The following TRPM6 variants were observed in gnomAD, a reference collection of about 807,000 sequenced individuals.
TRPM6 encodes the protein channel kinase 2.
In TRPM6, 111 loss-of-function variants were observed where a neutral mutation model predicts 247.6. The observed-to-expected ratio is 0.45, with a 90% confidence interval of 0.38 to 0.52. The LOEUF is 0.52. Among genes scored for constraint, TRPM6 ranks in the 20% least tolerant of loss-of-function variants. The probability of loss-of-function intolerance (pLI) is 0.00; values close to 1 mark genes in which losing one functional copy is unlikely to be tolerated. For missense variants in TRPM6, 2,126 were observed against 2,421.5 expected (o/e 0.88, Z 2.56); for synonymous variants, 892 against 853.8 (o/e 1.04, Z -0.78).
At chr9:74,797,931 T>A (rs1174162230) in intron 17 of TRPM6, among the ~76,000 whole-genome samples, 1 of 152,170 alleles carries the variant, frequency 6.6e-6, no homozygotes, top group Non-Finnish European at 1.5e-5. Context: ...TAGATCCATC[T>A]CCCATCCCAC....
chr9:74,742,456 A>C, intron 33 of TRPM6, 105 bp downstream of exon 33: 1 of 1,161,990 alleles, frequency 8.6e-7, no homozygotes, highest in Non-Finnish European at 1.3e-6. Context: ...ACTATCAACA[A>C]AACAAAATTT....
At chr9:74,808,724 C>T (rs1418289330) in intron 13 of TRPM6, among the ~76,000 whole-genome samples, 1 of 152,188 alleles carries the variant, frequency 6.6e-6, no homozygotes, top group Non-Finnish European at 1.5e-5. Context: ...ACACTTTGCA[C>T]TGCGTTGACT....
intron 1 of TRPM6, among the ~76,000 whole-genome samples, chr9:74,859,278 G>C (rs1830623366): frequency 6.6e-6 from 1 of 152,114 alleles, no homozygotes; most frequent in African/African-American, 2.4e-5. Flanking sequence ...GCCTAGAACT[G>C]TCCCTAAATC....
chr9:74,738,347 G>T, intron 36 of TRPM6, 60 bp downstream of exon 36: 1 of 1,582,514 alleles, frequency 6.3e-7, no homozygotes, highest in Non-Finnish European at 8.7e-7. Context: ...CCTGGTTCTT[G>T]CAAGATCTCT....
intron 17 of TRPM6, among the ~76,000 whole-genome samples, chr9:74,799,366 GC>G (rs1828220072): frequency 6.6e-6 from 1 of 151,892 alleles, no homozygotes; most frequent in Admixed American, 6.6e-5. Flanking sequence ...ATAACCTAAA[GC>G]CTTTAGACTT....
At position 74,839,363 on chromosome 9, in the gene TRPM6, G is replaced by A. The variant is rs141651338; in HGVS notation, c.544+661C>T. 4.8e-3 allele frequency among the ~76,000 whole-genome samples: 727 copies of A among 152,204 alleles called. 2 individuals carry two copies. Among genetic ancestry groups the A allele is most frequent in the Non-Finnish European group, 7.6e-3 (519 of 68,028 alleles). On this transcript the variant is annotated intron_variant, in intron 5 of 38. Coordinates refer to ENST00000360774, the MANE Select transcript of TRPM6 (RefSeq NM_017662.5). ...TCAGAGCCCCCCATATACAATTCTG[G>A]AATTTCAGATTTTAAGAAGTGTAGA...
chr9:74,870,363 AAGGG>A (rs1830981975), intron 1 of TRPM6, among the ~76,000 whole-genome samples: 1 of 152,170 alleles, frequency 6.6e-6, no homozygotes, highest in Admixed American at 6.6e-5. Flanking sequence ...CATCTACACT[AAGGG>A]AATAGGAGTT....
rs946269078 is a variant in TRPM6, at chr9:74,859,773, C to CA, written c.34-1026dup. 3.0e-3 allele frequency among the ~76,000 whole-genome samples: 224 copies of CA among 75,870 alleles called. 1 individual carries two copies. The highest frequency in any genetic ancestry group is 4.2e-3 in the East Asian group (11 of 2,636). The allele number at this position is 75,870 out of a possible 152,430, so 49.8% of individuals were successfully genotyped here. A position where few individuals can be genotyped will look rare whatever the true frequency, so the allele number is the denominator to read the frequency against. ...TGGGTGGCAGAGCGAGACTCTGTCT[C>CA]AAAAAAAAAAAAAAAAGAATATGTG... On this transcript the variant is annotated intron_variant, in intron 1 of 38. Transcript: ENST00000360774.
chr9:74,872,226 T>A lies in TRPM6; in HGVS notation c.34-13478A>T, dbSNP rs1183874154. On this transcript the variant is annotated intron_variant, in intron 1 of 38. Coordinates refer to ENST00000360774, the MANE Select transcript of TRPM6 (RefSeq NM_017662.5). ...GCCTTGAACTCCTGGCCTCAAGCAA[T>A]CATCCTGCCTTGTCCTCCCAAAGTG... 3.9e-5 allele frequency among the ~76,000 whole-genome samples: 6 copies of A among 152,180 alleles called. No homozygotes were observed. The East Asian group carries it at 9.6e-4, about 24-fold the overall frequency.
chr9:74,820,294 T>C lies in TRPM6; in HGVS notation c.1134+10A>G, dbSNP rs370068427. On this transcript the variant is annotated intron_variant, in intron 9 of 38. Transcript: ENST00000360774. Reference sequence around the variant, plus strand: ...TTAAGTCAGTTGAATCATCAACTCGTCATACTCACACAATCCCTGTGAACC... The same window carrying C: ...TTAAGTCAGTTGAATCATCAACTCGCCATACTCACACAATCCCTGTGAACC... 18 of 1,613,824 alleles carry C rather than the reference T, an allele frequency of 1.1e-5. No homozygotes were observed. In the African/African-American group the frequency reaches 1.5e-4, roughly 13 times the overall value.
chr9:74,844,535 T>C (rs933817480), intron 3 of TRPM6, among the ~76,000 whole-genome samples: 3 of 152,358 alleles, frequency 2.0e-5, no homozygotes, highest in Non-Finnish European at 2.9e-5. Flanking sequence ...AACTTTTCTT[T>C]TGAAGCTTTC....
chr9:74,836,274 A>G (rs371030164), intron 5 of TRPM6, among the ~76,000 whole-genome samples: 15 of 152,310 alleles, frequency 9.8e-5, no homozygotes, highest in South Asian at 6.2e-4. Context: ...ACAATACTGC[A>G]TTGTAAGACT....
intron 1 of TRPM6, among the ~76,000 whole-genome samples, chr9:74,860,985 T>C (rs1410945273): frequency 6.6e-6 from 1 of 152,002 alleles, no homozygotes; most frequent in Non-Finnish European, 1.5e-5. Flanking sequence ...ATTGTGCCAC[T>C]GCACTCTAGC....
intron 6 of TRPM6, among the ~76,000 whole-genome samples, chr9:74,828,731 C>T (rs971099052): frequency 4.6e-5 from 7 of 151,056 alleles, no homozygotes; most frequent in African/African-American, 1.7e-4. Context: ...CAAGTTCAAG[C>T]GATTCTCCTG....
intron 36 of TRPM6, among the ~76,000 whole-genome samples, chr9:74,734,624 C>G (rs890784350): frequency 1.3e-5 from 2 of 152,168 alleles, no homozygotes; most frequent in Non-Finnish European, 2.9e-5. Flanking sequence ...AGCAAAGTGT[C>G]TGCCCCCTAG....
At chr9:74,862,493 T>A (rs927756138) in intron 1 of TRPM6, among the ~76,000 whole-genome samples, 1 of 152,206 alleles carries the variant, frequency 6.6e-6, no homozygotes, top group African/African-American at 2.4e-5. Flanking sequence ...TGTGTCATCC[T>A]AAAACATAAT....
At chr9:74,789,866 C>T (rs889424222) in intron 19 of TRPM6, among the ~76,000 whole-genome samples, 15 of 142,474 alleles carry the variant, frequency 1.1e-4, no homozygotes, top group African/African-American at 3.9e-4. Context: ...GAGACTGAGG[C>T]AAGAGCATCT....
In TRPM6 at chr9:74,728,091, G is replaced by A. The variant is rs892283363; in HGVS notation, c.5935+148C>T. The A allele has an allele frequency of 2.2e-5, 16 of 735,150 alleles. No individual in the cohort carries two copies. The Middle Eastern group carries it at 8.2e-4, about 38-fold the overall frequency. 45.5% of individuals were successfully genotyped at this position (735,150 alleles called of 1,614,324 possible). ...GTCCTTTTAATCCCTTTAGAGACTT[G>A]AAAATTTTGCAGTCAGAGAGTCAGG... On this transcript the variant is annotated intron_variant, in intron 38 of 38. Transcript: ENST00000360774.
chr9:74,723,815 TA>T lies in TRPM6; in HGVS notation c.*797del, dbSNP rs1249541217. ...TCCATCTCAAAAATAAAAATATATATATATATATATAAAATATATATATTCC... is the reference window on the plus strand; with the variant it reads ...TCCATCTCAAAAATAAAAATATATATTATATATATAAAATATATATATTCC... On this transcript the variant is annotated 3_prime_UTR_variant, in exon 39 of 39. Coordinates refer to ENST00000360774, the MANE Select transcript of TRPM6 (RefSeq NM_017662.5). 7.0e-6 allele frequency: 1 copy of T among 143,654 alleles called. No individual in the cohort carries two copies. Among genetic ancestry groups the T allele is most frequent in the East Asian group, 2.0e-4 (1 of 5,048 alleles). 8.9% of individuals were successfully genotyped at this position (143,654 alleles called of 1,614,324 possible).
Sources: gnomAD v4.1 joint callset for allele counts (sites outside exome capture counted in the v4.1 genomes callset) on GRCh38, gnomAD v4.1.1 for gene constraint, MANE v1.5 for transcripts, NCBI Gene and HGNC (gene_info 2026-07-23, HGNC 2026-07-21) for gene names.